CREBBP: variants seen among roughly 807,000 people sequenced by gnomAD.
CREBBP encodes CREB-binding protein.
CREBBP carries 19 observed loss-of-function variants against 265.0 expected under a neutral mutation model. The observed-to-expected ratio is 0.07, with a 90% CI of 0.05 to 0.11. The LOEUF is 0.11. Among genes scored for constraint, CREBBP ranks in the 10% least tolerant of loss-of-function variants. The pLI is 1.00. For missense variants in CREBBP, 2,525 were observed against 3,219.0 expected, an observed-to-expected ratio of 0.78 and a Z score of 5.22; for synonymous variants, 1,457 against 1,223.7, an observed-to-expected ratio of 1.19 and a Z score of -3.98.
At chr16:3,729,917 C>T (rs2151312984) in intron 30 of CREBBP, 43 bp from the exon 31 acceptor site, 1 of 1,593,862 alleles carries the variant, frequency 6.3e-7, no homozygotes, top group Non-Finnish European at 8.5e-7. Flanking sequence ...AGCATGGGAC[C>T]CAGTACCACC....
intron 16 of CREBBP, among the ~76,000 whole-genome samples, chr16:3,763,190 G>A (rs957567964): frequency 1.4e-5 from 2 of 147,896 alleles, no homozygotes; most frequent in East Asian, 2.0e-4. Context: ...TTTTTGAGAC[G>A]AGGTCTTCTG....
intron 2 of CREBBP, among the ~76,000 whole-genome samples, chr16:3,820,736 T>C (rs909741870): frequency 6.6e-6 from 1 of 152,144 alleles, no homozygotes; most frequent in African/African-American, 2.4e-5. Context: ...GGCGTGTGCT[T>C]GTAGTCCCAG....
intron 2 of CREBBP, among the ~76,000 whole-genome samples, chr16:3,849,568 G>A (rs1301877832): frequency 3.6e-5 from 4 of 110,684 alleles, no homozygotes; most frequent in Non-Finnish European, 6.9e-5. Flanking sequence ...ACAGGGTTTC[G>A]CCACATTGCC....
At chr16:3,777,534 G>A (rs2053172139) in intron 11 of CREBBP, 79 bp downstream of exon 11, 2 of 1,418,908 alleles carry the variant, frequency 1.4e-6, no homozygotes, top group Non-Finnish European at 2.0e-6. Flanking sequence ...GAAATATACA[G>A]GGGGAGAGGA....
Position 3,777,119 on chromosome 16 carries a change from G to A in CREBBP, c.2158+494C>T, listed in dbSNP as rs1010840739. 3.3e-5 allele frequency among the ~76,000 whole-genome samples: 5 copies of A among 151,874 alleles called. No individual in the cohort carries two copies. In the East Asian group the frequency reaches 9.7e-4, roughly 29 times the overall value. On this transcript the variant is annotated intron_variant, in intron 11 of 30. Transcript: ENST00000262367. ...GCACTTTGGGAGGCTGAGGTGGACG[G>A]ATCACGGAGATCAAGACCATCCTGG...
chr16:3,879,230 G>A (rs1219353504), intron 1 of CREBBP, among the ~76,000 whole-genome samples: 2 of 26,992 alleles, frequency 7.4e-5, no homozygotes, highest in Non-Finnish European at 2.1e-4. Context: ...AAACACACAC[G>A]CGCGCACACA....
chr16:3,854,828 A>G (rs770593542), intron 1 of CREBBP, among the ~76,000 whole-genome samples: 3 of 152,212 alleles, frequency 2.0e-5, no homozygotes, highest in Non-Finnish European at 4.4e-5. Flanking sequence ...CGTCTAACAC[A>G]CACTTGTTAT....
chr16:3,748,226 C>T (rs111446665), intron 21 of CREBBP, among the ~76,000 whole-genome samples: 3,767 of 151,174 alleles, frequency 0.025, 159 homozygotes, highest in African/African-American at 0.088. Flanking sequence ...TGCAGTGAGC[C>T]GAGATCGCGC....
At chr16:3,804,549 G>A (rs1201202309) in intron 3 of CREBBP, among the ~76,000 whole-genome samples, 6 of 152,140 alleles carry the variant, frequency 3.9e-5, no homozygotes, top group South Asian at 2.1e-4. Flanking sequence ...TATTATATTC[G>A]CATTACTGCT....
chr16:3,814,447 G>A (rs1385861064), intron 2 of CREBBP, among the ~76,000 whole-genome samples: 1 of 151,990 alleles, frequency 6.6e-6, no homozygotes, highest in Non-Finnish European at 1.5e-5. Context: ...GTAGAGACAG[G>A]GTTTTACCAT....
At chr16:3,874,913 C>T (rs916127156) in intron 1 of CREBBP, among the ~76,000 whole-genome samples, 5 of 152,218 alleles carry the variant, frequency 3.3e-5, no homozygotes, top group Non-Finnish European at 7.3e-5. Context: ...CTTTTGCAAT[C>T]TTCAGAAACT....
chr16:3,731,779 C>T lies in CREBBP; in HGVS notation c.4887G>A (p.Lys1629=), dbSNP rs2051924278. Residue 1629 remains lysine (K), a synonymous_variant, in exon 29 of 31, where the codon AAG becomes AAA. Transcript: ENST00000262367. The surrounding 1 kb of genome is among the most constrained non-coding windows in gnomAD (Gnocchi z 7.7). Reference sequence around the variant, plus strand: ...CAGCACCGCAGCCCACGCCTACCTCCTTGTGCTTCTCCATGGTGGCATACA... The same window carrying T: ...CAGCACCGCAGCCCACGCCTACCTCTTTGTGCTTCTCCATGGTGGCATACA... ...QKLYATMEKH[K]EVFFVIHLHA... 1.9e-6 allele frequency: 3 copies of T among 1,614,250 alleles called. No homozygotes were observed. Among genetic ancestry groups the T allele is most frequent in the South Asian group, 2.2e-5 (2 of 91,086 alleles).
chr16:3,824,970 G>T (rs780979383), intron 2 of CREBBP, among the ~76,000 whole-genome samples: 2 of 152,118 alleles, frequency 1.3e-5, no homozygotes, highest in Non-Finnish European at 2.9e-5. Flanking sequence ...ATAGCACATG[G>T]GAAAATGCTC....
chr16:3,797,679 T>C (rs1205433252), intron 3 of CREBBP, among the ~76,000 whole-genome samples: 4 of 151,904 alleles, frequency 2.6e-5, no homozygotes, highest in Non-Finnish European at 1.5e-5. Context: ...CCCCAGAAAG[T>C]GAAACCCCAG....
intron 28 of CREBBP, among the ~76,000 whole-genome samples, chr16:3,732,375 T>C (rs2051940099): frequency 6.6e-6 from 1 of 152,054 alleles, no homozygotes; most frequent in African/African-American, 2.4e-5. Context: ...GAAAAGCAGC[T>C]GCCCCATCAA....
At chr16:3,785,325 G>A (rs970327933) in intron 5 of CREBBP, among the ~76,000 whole-genome samples, 1 of 152,202 alleles carries the variant, frequency 6.6e-6, no homozygotes, top group South Asian at 2.1e-4. Context: ...GACTCAGTGA[G>A]TACACTCTGC....
intron 14 of CREBBP, 127 bp from the exon 15 acceptor site, chr16:3,769,480 T>G (rs1349008754): frequency 1.3e-5 from 15 of 1,177,798 alleles, no homozygotes; most frequent in Non-Finnish European, 1.9e-5. Context: ...GGTGCCCTTC[T>G]GTGAAACCGA....
chr16:3,794,143 C>T (rs187558079), intron 3 of CREBBP, among the ~76,000 whole-genome samples: 6 of 151,906 alleles, frequency 3.9e-5, no homozygotes, highest in East Asian at 3.9e-4. Context: ...CTGGCTAACA[C>T]GATGAGACCT....
Position 3,792,101 on chromosome 16 carries a change from C to A in CREBBP, c.1217-7G>T, listed in dbSNP as rs2053519519. ...GAAGATGCACAATGGGCAACTATGA[C>A]CAGAAAAACAACGAGATGTTATTTT... On this transcript the variant is annotated splice_region_variant and splice_polypyrimidine_tract_variant and intron_variant, in intron 4 of 30. Transcript: ENST00000262367. The A allele has an allele frequency of 6.3e-7, 1 of 1,599,842 alleles. No homozygotes were observed.
Sources: gnomAD v4.1 joint callset for allele counts (sites outside exome capture counted in the v4.1 genomes callset) on GRCh38, gnomAD v4.1.1 for gene constraint, Gnocchi (gnomAD v3.1) non-coding constraint, MANE v1.5 for transcripts, NCBI Gene and HGNC (gene_info 2026-07-23, HGNC 2026-07-21) for gene names.